ETV4: variants seen among roughly 807,000 people sequenced by gnomAD.
ETV4 encodes the protein ETS variant transcription factor 4.
Under a neutral mutation model 65.9 loss-of-function variants are expected in ETV4, and 42 were observed. The ratio of observed to expected loss-of-function variants is 0.64; its 90% CI spans 0.50 to 0.82. ETV4 has a LOEUF of 0.82. Among genes scored for constraint, ETV4 ranks in the 40% least tolerant of loss-of-function variants. The pLI is 0.00. For synonymous variants in ETV4, 238 were observed against 260.0 expected (o/e 0.92, Z 0.81); for missense variants, 583 against 630.3 (o/e 0.92, Z 0.80).
intron 4 of ETV4, among the ~76,000 whole-genome samples, chr17:43,542,368 A>G (rs1404279082): frequency 6.6e-5 from 10 of 152,258 alleles, no homozygotes; most frequent in African/African-American, 1.9e-4. Flanking sequence ...CCTAGAGTCA[A>G]TGGCCCTTAC....
rs1157900489 is a variant in ETV4 at position 43,528,289 on chromosome 17, G to A, written c.*230C>T. The A allele has an allele frequency of 4.4e-6, 2 of 457,906 alleles. No homozygotes were observed. Among genetic ancestry groups the A allele is most frequent in the Admixed American group, 7.3e-5 (2 of 27,438 alleles). 28.4% of individuals were successfully genotyped at this position (457,906 alleles called of 1,614,324 possible). A position where few individuals can be genotyped will look rare whatever the true frequency, so the allele number is the denominator to read the frequency against. On this transcript the variant is annotated 3_prime_UTR_variant, in exon 13 of 13. Coordinates refer to ENST00000319349, the MANE Select transcript of ETV4 (RefSeq NM_001079675.5). ...TGAGCTGAATTCCTCCAGGGCCCAG[G>A]TGAAACCCCCAGGGGAGTTTCTGAG... is the stretch of plus-strand genomic sequence containing the variant.
chr17:43,540,511 T>C (rs1014434170), intron 4 of ETV4, among the ~76,000 whole-genome samples: 1 of 151,914 alleles, frequency 6.6e-6, no homozygotes, highest in Non-Finnish European at 1.5e-5. Flanking sequence ...CTCCGGAGAG[T>C]CCCATTCCAT....
intron 8 of ETV4, 177 bp from the exon 9 acceptor site, chr17:43,530,358 A>AGT: frequency 1.4e-6 from 2 of 1,461,634 alleles, no homozygotes; most frequent in Non-Finnish European, 1.8e-6. Context: ...ACCCAGAGGG[A>AGT]GTGTGATGCT....
chr17:43,528,326 G>C lies in ETV4; in HGVS notation c.*193C>G. 1 of 529,286 alleles carries C rather than the reference G, an allele frequency of 1.9e-6. No homozygotes were observed. Among genetic ancestry groups the C allele is most frequent in the Admixed American group, 3.2e-5 (1 of 30,824 alleles). The allele number at this position is 529,286 out of a possible 1,614,324, so 32.8% of individuals were successfully genotyped here. ...GGGGAGTTTCTGAGACTCTAGACTT[G>C]CCATTTCTCCACTTTTCCTTCCCAA... On this transcript the variant is annotated 3_prime_UTR_variant, in exon 13 of 13. Transcript: ENST00000319349.
At chr17:43,528,972 G>A (rs981306985) in intron 12 of ETV4, among the ~76,000 whole-genome samples, 163 bp downstream of exon 12, 17 of 151,990 alleles carry the variant, frequency 1.1e-4, no homozygotes, top group African/African-American at 4.1e-4. Context: ...GCACTTTTTT[G>A]GGGGAGGAGA....
intron 8 of ETV4, among the ~76,000 whole-genome samples, chr17:43,531,229 TA>T (rs1970917331): frequency 6.6e-6 from 1 of 152,306 alleles, no homozygotes; most frequent in South Asian, 2.1e-4. Context: ...CCTACTCTAA[TA>T]AACTCAGATC....
In ETV4 at chr17:43,530,264, A is replaced by C. The variant is rs569765180; in HGVS notation, c.812-83T>G. 8 of 1,537,584 alleles carry C rather than the reference A, an allele frequency of 5.2e-6. No individual in the cohort carries two copies. The African/African-American group carries it at 9.6e-5, about 18-fold the overall frequency. On this transcript the variant is annotated intron_variant, in intron 8 of 12. Coordinates refer to ENST00000319349, the MANE Select transcript of ETV4 (RefSeq NM_001079675.5). ...GGAGGAGGAAGTCCTATCCACATTC[A>C]AGAATTTCTTCCTTCCAGCCTGCTT...
intron 5 of ETV4, 131 bp downstream of exon 5, chr17:43,536,295 C>T: frequency 1.3e-6 from 1 of 799,554 alleles, no homozygotes; most frequent in Admixed American, 2.2e-5. Context: ...CAGTTATTGC[C>T]TTGGTCTTTA....
intron 8 of ETV4, among the ~76,000 whole-genome samples, chr17:43,530,795 C>T (rs1970886160): frequency 6.6e-6 from 1 of 152,120 alleles, no homozygotes; most frequent in South Asian, 2.1e-4. Context: ...TGTGTGAAGC[C>T]ACCCGTTCAA....
chr17:43,541,437 C>T (rs1358000845), intron 4 of ETV4, among the ~76,000 whole-genome samples: 5 of 151,554 alleles, frequency 3.3e-5, no homozygotes, highest in Admixed American at 1.3e-4. Context: ...TGTCTGGGGA[C>T]GAGGCAGATG....
At chr17:43,533,429 G>A (rs1434572117) in intron 6 of ETV4, 81 bp from the exon 7 acceptor site, 1 of 1,363,720 alleles carries the variant, frequency 7.3e-7, no homozygotes, top group Non-Finnish European at 1.0e-6. Flanking sequence ...AGGAAAGCGA[G>A]GTCACAGGGA....
chr17:43,533,076 A>G, intron 7 of ETV4, 111 bp downstream of exon 7: 1 of 1,503,840 alleles, frequency 6.6e-7, no homozygotes, highest in Admixed American at 2.0e-5. Context: ...CTCCCTTTCT[A>G]TTCCACTGCC....
In ETV4 at chr17:43,532,724, C is replaced by G. The variant is rs376917478; in HGVS notation, c.761G>C (p.Gly254Ala). Residue 254 changes from glycine (G) to alanine (A), a missense_variant, in exon 8 of 13, where the codon GGG (glycine) becomes GCG (alanine). Coordinates refer to ENST00000319349, the MANE Select transcript of ETV4 (RefSeq NM_001079675.5). ...TTCCTGTTTGATCACCACCCCCGCC[C>G]CTGGGTACCTGTGCCCATTGACCCC... ...QGGVNGHRYPGAGVVIKQEQT... is the reference protein window; with the variant it reads ...QGGVNGHRYPAAGVVIKQEQT... 6.2e-7 allele frequency: 1 copy of G among 1,613,958 alleles called. No homozygotes were observed. The highest frequency in any genetic ancestry group is 8.5e-7 in the Non-Finnish European group (1 of 1,179,986).
At chr17:43,539,858 G>A (rs919419398) in intron 4 of ETV4, among the ~76,000 whole-genome samples, 6 of 152,214 alleles carry the variant, frequency 3.9e-5, no homozygotes, top group Non-Finnish European at 7.3e-5. Context: ...TTAAATATCA[G>A]AGGTGCCAAG....
chr17:43,529,413 T>C (rs1970766983), intron 11 of ETV4, 91 bp downstream of exon 11: 1 of 1,476,994 alleles, frequency 6.8e-7, no homozygotes, highest in South Asian at 1.3e-5. Flanking sequence ...GCAAGAATCA[T>C]GATGGAGGCA....
rs1003074417 is a variant in ETV4 at position 43,532,897 on chromosome 17, T to C, written c.588A>G (p.Thr196=). 12 of 1,594,966 alleles carry C rather than the reference T, an allele frequency of 7.5e-6. No individual in the cohort carries two copies. In the Admixed American group the frequency reaches 1.4e-4, roughly 19 times the overall value. The change falls in exon 8 of 13, where the codon ACA becomes ACG. Residue 196 remains threonine, a synonymous_variant. Transcript: ENST00000319349. ...GGGGTTCCCGGCCCCCTCCCTGAGA[T>C]GTGAAGGAGTGGCAAATGTCCAGGG... ...QQPLDICHSF[T]SQGGGREPLP...
In ETV4 at chr17:43,536,415, C is replaced by G. The variant is rs1409535111; in HGVS notation, c.256+11G>C. On this transcript the variant is annotated intron_variant, in intron 5 of 12. Coordinates refer to ENST00000319349, the MANE Select transcript of ETV4 (RefSeq NM_001079675.5). Reference sequence around the variant, plus strand: ...ACTCCCTATACCCTCTCCCCAGGGACCTCTACTCACGGTTTTCTGAATGGA... The same window carrying G: ...ACTCCCTATACCCTCTCCCCAGGGAGCTCTACTCACGGTTTTCTGAATGGA... The G allele has an allele frequency of 3.7e-6, 6 of 1,613,374 alleles. No individual in the cohort carries two copies. The highest frequency in any genetic ancestry group is 1.7e-5 in the Admixed American group (1 of 60,006).
chr17:43,529,426 TG>T (rs1970768773), intron 11 of ETV4, 77 bp downstream of exon 11: 1 of 1,521,860 alleles, frequency 6.6e-7, no homozygotes, highest in Non-Finnish European at 8.9e-7. Context: ...TGGAGGCACG[TG>T]CCACCATTTC....
intron 9 of ETV4, 22 bp from the exon 10 acceptor site, chr17:43,529,974 T>G (rs771492427): frequency 9.2e-5 from 149 of 1,613,914 alleles, no homozygotes; most frequent in Non-Finnish European, 1.2e-4. Flanking sequence ...AATTGGGGGT[T>G]GCTCAGATCT....
Sources: gnomAD v4.1 joint callset for allele counts (sites outside exome capture counted in the v4.1 genomes callset) on GRCh38, gnomAD v4.1.1 for gene constraint, MANE v1.5 for transcripts, NCBI Gene and HGNC (gene_info 2026-07-23, HGNC 2026-07-21) for gene names.